Variants in PRKCQ observed in about 807,000 individuals in gnomAD.
The protein encoded by PRKCQ is protein kinase C theta.
Under a neutral mutation model 91.2 loss-of-function variants are expected in PRKCQ, and 41 were observed. The observed-to-expected ratio is 0.45, with a 90% CI of 0.35 to 0.58. The LOEUF is 0.58. PRKCQ is among the 20% of genes least tolerant of loss of function. PRKCQ has a pLI of 0.00. For missense variants in PRKCQ, 673 were observed against 896.5 expected (o/e 0.75, Z 3.18); for synonymous variants, 307 against 316.9 (o/e 0.97, Z 0.33).
chr10:6,485,262 C>T lies in PRKCQ; in HGVS notation c.908G>A (p.Cys303Tyr), dbSNP rs1836840668. ...AMIESTQQAR[C>Y]LRDTEQIFRE... ...GAAGATCTGTTCAGTATCTCTTAAG[C>T]AGCGAGCCTGGATGACAAACAGAGA... The change falls in exon 10 of 18, where the codon TGC (cysteine) becomes TAC (tyrosine). Residue 303 changes from cysteine (C) to tyrosine (Y), a missense_variant. Physicochemically the swap from Cys to Tyr is radical, Grantham distance 194. Coordinates refer to ENST00000263125, the MANE Select transcript of PRKCQ (RefSeq NM_006257.5). The T allele has an allele frequency of 1.9e-6, 3 of 1,613,524 alleles. No homozygotes were observed. The East Asian group carries it at 6.7e-5, about 36-fold the overall frequency.
chr10:6,514,043 T>C (rs140326429), intron 2 of PRKCQ, among the ~76,000 whole-genome samples: 1 of 152,330 alleles, frequency 6.6e-6, no homozygotes, highest in East Asian at 1.9e-4. Context: ...CTTCCTGAGT[T>C]CCTTCAGCTT....
At chr10:6,426,971 GGTGA>G (rs1833141537), downstream of PRKCQ, among the ~76,000 whole-genome samples, 1 of 152,112 alleles carries the variant, frequency 6.6e-6, no homozygotes, top group Non-Finnish European at 1.5e-5. Context: ...CCTGACCTTA[GGTGA>G]TCTGCCCACA....
chr10:6,429,067 C>T (rs2132221020), intron 17 of PRKCQ, among the ~76,000 whole-genome samples: 1 of 152,330 alleles, frequency 6.6e-6, no homozygotes, highest in African/African-American at 2.4e-5. Flanking sequence ...CCATTATCAA[C>T]AGAAAGTGCT....
At chr10:6,466,579 T>G (rs1225291882) in intron 12 of PRKCQ, among the ~76,000 whole-genome samples, 1 of 152,226 alleles carries the variant, frequency 6.6e-6, no homozygotes, top group Non-Finnish European at 1.5e-5. Context: ...TTAGCACAAA[T>G]GTATGCACAT....
intron 1 of PRKCQ, among the ~76,000 whole-genome samples, chr10:6,546,452 T>A (rs1839954993): frequency 6.6e-6 from 1 of 152,216 alleles, no homozygotes; most frequent in Non-Finnish European, 1.5e-5. Flanking sequence ...GCTACATTAG[T>A]TCAAAGAAGG....
At chr10:6,408,647 G>A in the PRKCQ span, among the ~76,000 whole-genome samples, 1 of 152,208 alleles carries the variant, frequency 6.6e-6, no homozygotes, top group African/African-American at 2.4e-5. Flanking sequence ...GAGCCACTGC[G>A]CCTAGCCTTG....
intron 16 of PRKCQ, among the ~76,000 whole-genome samples, chr10:6,438,145 C>T (rs948311288): frequency 2.0e-4 from 31 of 152,200 alleles, no homozygotes; most frequent in Non-Finnish European, 2.9e-5. Flanking sequence ...AATTTTTAAA[C>T]ATCTTGTTCC....
chr10:6,574,493 C>G (rs1477734796), intron 1 of PRKCQ, among the ~76,000 whole-genome samples: 1 of 152,224 alleles, frequency 6.6e-6, no homozygotes, highest in Non-Finnish European at 1.5e-5. Flanking sequence ...CAGTCCCCAT[C>G]TGGAGGATAA....
At chr10:6,447,160 G>A (rs1249123080) in intron 15 of PRKCQ, among the ~76,000 whole-genome samples, 5 of 152,284 alleles carry the variant, frequency 3.3e-5, no homozygotes, top group African/African-American at 9.6e-5. Context: ...TGTAATCCCA[G>A]CACTTTGGGA....
intron 1 of PRKCQ, among the ~76,000 whole-genome samples, chr10:6,575,161 A>C (rs1033204255): frequency 1.5e-4 from 23 of 152,302 alleles, no homozygotes; most frequent in African/African-American, 4.3e-4. Context: ...AATAGTACAA[A>C]TATCTCATGA....
In PRKCQ at chr10:6,542,337, G is replaced by A. The variant is rs991657719; in HGVS notation, c.-9-27193C>T. ...TGAATGCATTTGCAGATAGAAGCCTGCTCTCTTGGAGAAATATCCTTGCAT... is the reference window on the plus strand; with the variant it reads ...TGAATGCATTTGCAGATAGAAGCCTACTCTCTTGGAGAAATATCCTTGCAT... On this transcript the variant is annotated intron_variant, in intron 1 of 17. Coordinates refer to ENST00000263125, the MANE Select transcript of PRKCQ (RefSeq NM_006257.5). 2.6e-5 allele frequency among the ~76,000 whole-genome samples: 4 copies of A among 152,326 alleles called. 1 individual carries two copies. The highest frequency in any genetic ancestry group is 4.1e-4 in the South Asian group (2 of 4,828).
chr10:6,520,311 C>T (rs1161686421), intron 1 of PRKCQ, among the ~76,000 whole-genome samples: 1 of 152,282 alleles, frequency 6.6e-6, no homozygotes, highest in East Asian at 1.9e-4. Flanking sequence ...TTTACCCTTC[C>T]CCTTGTGCCT....
At chr10:6,541,729 A>G (rs887742323) in intron 1 of PRKCQ, among the ~76,000 whole-genome samples, 7 of 152,226 alleles carry the variant, frequency 4.6e-5, no homozygotes, top group Non-Finnish European at 7.3e-5. Flanking sequence ...TCCTCCTGCT[A>G]TAATTCAAGC....
intron 1 of PRKCQ, among the ~76,000 whole-genome samples, chr10:6,578,892 G>A (rs1228670135): frequency 2.0e-5 from 3 of 152,190 alleles, no homozygotes; most frequent in African/African-American, 4.8e-5. Flanking sequence ...TCACAAGGTC[G>A]GGGTGTGGGG....
At chr10:6,503,661 C>T (rs534284110) in intron 4 of PRKCQ, among the ~76,000 whole-genome samples, 1 of 144,754 alleles carries the variant, frequency 6.9e-6, no homozygotes, top group South Asian at 2.2e-4. Flanking sequence ...AATCATTTTC[C>T]TCCTCTTTCC....
intron 14 of PRKCQ, among the ~76,000 whole-genome samples, chr10:6,461,725 T>A (rs532749689): frequency 7.2e-5 from 11 of 152,356 alleles, no homozygotes; most frequent in African/African-American, 2.6e-4. Flanking sequence ...CCTTTCTTTT[T>A]TTTCCTTTCT....
At chr10:6,488,604 C>A (rs1277630667) in intron 8 of PRKCQ, among the ~76,000 whole-genome samples, 2 of 151,926 alleles carry the variant, frequency 1.3e-5, no homozygotes, top group Non-Finnish European at 2.9e-5. Flanking sequence ...GGCTGGTCTC[C>A]AACTTCTGAC....
At chr10:6,426,311 A>G (rs1833120812), downstream of PRKCQ, among the ~76,000 whole-genome samples, 3 of 152,236 alleles carry the variant, frequency 2.0e-5, no homozygotes, top group African/African-American at 4.8e-5. Flanking sequence ...TGACTTGTTC[A>G]GGGCTTCACA....
In PRKCQ at chr10:6,506,880, G is replaced by A. The variant is rs75542473; in HGVS notation, c.379+556C>T. ...ACAGCCTGTCTCAGCACATCGTACC[G>A]GGAAATTTCACTTCTGTGGCCAAAG... is the stretch of plus-strand genomic sequence containing the variant. On this transcript the variant is annotated intron_variant, in intron 4 of 17. Coordinates refer to ENST00000263125, the MANE Select transcript of PRKCQ (RefSeq NM_006257.5). 9.4e-3 allele frequency among the ~76,000 whole-genome samples: 1,438 copies of A among 152,198 alleles called. 22 individuals carry two copies. The highest frequency in any genetic ancestry group is 0.032 in the African/African-American group (1,346 of 41,510).
Sources: allele counts gnomAD v4.1 joint callset (sites outside exome capture counted in the v4.1 genomes callset), GRCh38; gene constraint gnomAD v4.1.1; transcripts MANE v1.5; gene names NCBI Gene and HGNC (gene_info 2026-07-23, HGNC 2026-07-21).